The following ADRA1B variants were observed in gnomAD, a reference collection of about 807,000 sequenced individuals.
ADRA1B encodes adrenoceptor alpha 1B.
In ADRA1B, 17 loss-of-function variants were observed where a neutral mutation model predicts 17.9. The ratio of observed to expected loss-of-function variants is 0.95; its 90% CI spans 0.65 to 1.42. The LOEUF is 1.42. Ranked by LOEUF, ADRA1B falls within the 40% of genes most tolerant of loss-of-function variation. The pLI is 0.00. For synonymous variants in ADRA1B, 366 were observed against 327.6 expected, an observed-to-expected ratio of 1.12 and a Z score of -1.27; for missense variants, 681 against 722.1, an observed-to-expected ratio of 0.94 and a Z score of 0.65.
intron 1 of ADRA1B, chr5:159,948,045 G>T: frequency 1.0e-6 from 1 of 985,442 alleles, no homozygotes; most frequent in Non-Finnish European, 1.2e-6. Context: ...TGGCCCATCG[G>T]TTTCACAGAG....
intron 1 of ADRA1B, among the ~76,000 whole-genome samples, chr5:159,937,403 T>C (rs1286911484): frequency 1.3e-5 from 2 of 151,872 alleles, no homozygotes; most frequent in Non-Finnish European, 2.9e-5. Flanking sequence ...TATGTGAATC[T>C]CAGTCGGCCT....
chr5:159,890,741 G>A (rs1370465867), intron 1 of ADRA1B, among the ~76,000 whole-genome samples: 3 of 152,200 alleles, frequency 2.0e-5, no homozygotes, highest in African/African-American at 4.8e-5. Flanking sequence ...GGGAATCCAC[G>A]TGGCATCACT....
chr5:159,916,977 C>T lies in ADRA1B; in HGVS notation c.72C>T (p.Asn24=). ...ACTGGGGAGAGTTGAAAAATGCCAA[C>T]TTCACTGGCCCCAACCAGACCTCGA... ...PAHWGELKNA[N]FTGPNQTSSN... The change falls in exon 1 of 2, where the codon AAC becomes AAT. Residue 24 remains asparagine (N), a synonymous_variant. Coordinates refer to ENST00000306675, the MANE Select transcript of ADRA1B (RefSeq NM_000679.4). 2.5e-6 allele frequency: 4 copies of T among 1,614,150 alleles called. No homozygotes were observed. The highest frequency in any genetic ancestry group is 3.4e-6 in the Non-Finnish European group (4 of 1,180,016).
At chr5:159,957,929 C>CAAAAAAAAAAA (rs35956137) in intron 1 of ADRA1B, among the ~76,000 whole-genome samples, 27 of 66,848 alleles carry the variant, frequency 4.0e-4, no homozygotes, top group East Asian at 1.5e-3. Flanking sequence ...AACCCCATCT[C>CAAAAAAAAAAA]AAAAAAAAAA....
intron 1 of ADRA1B, among the ~76,000 whole-genome samples, chr5:159,885,864 G>A (rs557771297): frequency 6.6e-5 from 10 of 152,266 alleles, no homozygotes; most frequent in South Asian, 4.1e-4. Context: ...GCACTTAACC[G>A]TTGTGACAAC....
chr5:159,881,333 C>CTCTT (rs1753861374), intron 1 of ADRA1B, among the ~76,000 whole-genome samples: 1 of 151,910 alleles, frequency 6.6e-6, no homozygotes, highest in African/African-American at 2.4e-5. Flanking sequence ...CTCTCTCTCT[C>CTCTT]TCTCTCTCTC....
At chr5:159,973,953 T>C (rs1755933978), downstream of ADRA1B, among the ~76,000 whole-genome samples, 1 of 152,232 alleles carries the variant, frequency 6.6e-6, no homozygotes, top group African/African-American at 2.4e-5. Flanking sequence ...CCCCATCCCA[T>C]CCCTTTTTTT....
chr5:159,898,342 G>T (rs1017453410), intron 1 of ADRA1B, among the ~76,000 whole-genome samples: 1 of 152,222 alleles, frequency 6.6e-6, no homozygotes, highest in Non-Finnish European at 1.5e-5. Context: ...GGAGGGCAGA[G>T]AAAACTATCG....
At chr5:159,934,990 A>AAC (rs1021221945) in intron 1 of ADRA1B, among the ~76,000 whole-genome samples, 24 of 152,304 alleles carry the variant, frequency 1.6e-4, no homozygotes, top group African/African-American at 5.8e-4. Context: ...CTGGGTGCAA[A>AAC]ACACTAGTAA....
chr5:159,899,935 G>A (rs925867421), intron 1 of ADRA1B, among the ~76,000 whole-genome samples: 2 of 152,226 alleles, frequency 1.3e-5, no homozygotes, highest in East Asian at 1.9e-4. Flanking sequence ...TACAGTGGAT[G>A]TAAGATGAGA....
intron 1 of ADRA1B, among the ~76,000 whole-genome samples, chr5:159,896,561 T>C (rs1754043169): frequency 6.6e-6 from 1 of 152,214 alleles, no homozygotes; most frequent in Non-Finnish European, 1.5e-5. Flanking sequence ...AGCTACTGTT[T>C]AGTGAATGTG....
chr5:159,866,295 GAA>G (rs34220518), intron 1 of ADRA1B, among the ~76,000 whole-genome samples: 4 of 90,210 alleles, frequency 4.4e-5, no homozygotes, highest in Admixed American at 2.5e-4. Context: ...AACATAGTGA[GAA>G]AAAAAAAAAA....
intron 1 of ADRA1B, among the ~76,000 whole-genome samples, chr5:159,962,378 T>TGTCTGAGTGGTGCTGCCATCC (rs146480716): frequency 1.4e-5 from 2 of 146,974 alleles, no homozygotes; most frequent in African/African-American, 2.5e-5. Context: ...TGCTGCCATC[T>TGTCTGAGTGGTGCTGCCATCC]GTCTGAGTGG....
At chr5:159,873,007 T>C (rs556654282) in intron 1 of ADRA1B, among the ~76,000 whole-genome samples, 3 of 148,834 alleles carry the variant, frequency 2.0e-5, no homozygotes, top group Admixed American at 6.7e-5. Context: ...CTCCCACCTA[T>C]GAGTGAGAAT....
chr5:159,904,048 T>C (rs1329739625), intron 1 of ADRA1B, among the ~76,000 whole-genome samples: 5 of 152,354 alleles, frequency 3.3e-5, no homozygotes, highest in Admixed American at 2.0e-4. Context: ...GTTCTCTTGA[T>C]AGTGAAATGA....
chr5:159,983,552 A>G, the ADRA1B span, among the ~76,000 whole-genome samples: 1 of 152,208 alleles, frequency 6.6e-6, no homozygotes, highest in African/African-American at 2.4e-5. Context: ...ACAGTGATGA[A>G]CAACGATCTT....
chr5:159,910,712 T>G (rs1754218716), intron 1 of ADRA1B, among the ~76,000 whole-genome samples: 1 of 152,200 alleles, frequency 6.6e-6, no homozygotes, highest in South Asian at 2.1e-4. Flanking sequence ...GGCACTAGGC[T>G]GGATTTGATC....
At chr5:159,967,556 T>G (rs1261045086) in intron 1 of ADRA1B, among the ~76,000 whole-genome samples, 1 of 152,176 alleles carries the variant, frequency 6.6e-6, no homozygotes, top group Non-Finnish European at 1.5e-5. Context: ...TTGTCCCCAT[T>G]TTACAGATGG....
chr5:159,890,452 G>A (rs879836801), intron 1 of ADRA1B, among the ~76,000 whole-genome samples: 15 of 152,182 alleles, frequency 9.9e-5, no homozygotes, highest in Admixed American at 5.2e-4. Flanking sequence ...ACCTCTCATT[G>A]TTTCTGGGGA....
Sources: allele counts gnomAD v4.1 joint callset (sites outside exome capture counted in the v4.1 genomes callset), GRCh38; gene constraint gnomAD v4.1.1; transcripts MANE v1.5; gene names NCBI Gene and HGNC (gene_info 2026-07-23, HGNC 2026-07-21).